Variants in CCDC170 observed in about 807,000 individuals in gnomAD.
CCDC170 encodes the protein coiled-coil domain-containing protein 170.
Under a neutral mutation model 72.6 loss-of-function variants are expected in CCDC170, and 69 were observed. That is an observed-to-expected ratio of 0.95 (90% CI 0.78 to 1.16). The LOEUF (loss-of-function observed/expected upper bound fraction) is 1.16, where lower values mean the gene tolerates loss of function less well. Ranked by LOEUF, CCDC170 falls within the 50% of genes most tolerant of loss-of-function variation. The pLI is 0.00. For synonymous variants in CCDC170, 300 were observed against 303.9 expected (o/e 0.99, Z 0.13); for missense variants, 852 against 832.5 (o/e 1.02, Z -0.29).
chr6:151,589,169 C>T (rs764347966), intron 7 of CCDC170, among the ~76,000 whole-genome samples: 18 of 151,834 alleles, frequency 1.2e-4, no homozygotes, highest in Admixed American at 6.6e-4. Flanking sequence ...GCAGGAGAAT[C>T]GCTTGAATTT....
intron 5 of CCDC170, among the ~76,000 whole-genome samples, chr6:151,569,783 C>T (rs1428899678): frequency 6.6e-6 from 1 of 152,168 alleles, no homozygotes; most frequent in Non-Finnish European, 1.5e-5. Context: ...GCCCCTGAAT[C>T]CTGCAGCACT....
intron 1 of CCDC170, among the ~76,000 whole-genome samples, chr6:151,512,366 G>T (rs1782162812): frequency 6.6e-6 from 1 of 151,712 alleles, no homozygotes; most frequent in Non-Finnish European, 1.5e-5. Flanking sequence ...CACCATGTTG[G>T]CCAGCCTGGT....
chr6:151,509,233 T>C (rs1038042445), intron 1 of CCDC170, among the ~76,000 whole-genome samples: 20 of 151,628 alleles, frequency 1.3e-4, no homozygotes, highest in African/African-American at 4.8e-4. Flanking sequence ...TATCTATCTA[T>C]CTATCTATCT....
chr6:151,569,706 C>A (rs1583030871), intron 5 of CCDC170, among the ~76,000 whole-genome samples: 1 of 152,184 alleles, frequency 6.6e-6, no homozygotes, highest in Admixed American at 6.5e-5. Flanking sequence ...ATGGCTTTCT[C>A]CTGATAGGTG....
At chr6:151,561,534 GGA>G (rs1158273193) in intron 5 of CCDC170, among the ~76,000 whole-genome samples, 2 of 152,004 alleles carry the variant, frequency 1.3e-5, no homozygotes, top group Admixed American at 1.3e-4. Context: ...GCTAAAAATA[GGA>G]CCTCAATCTC....
intron 5 of CCDC170, among the ~76,000 whole-genome samples, chr6:151,565,285 G>T (rs4254995): frequency 0.082 from 12,462 of 152,234 alleles, 1,419 homozygotes; most frequent in African/African-American, 0.26. Context: ...AGGACTCAGG[G>T]TGGTGTTTGG....
At chr6:151,589,389 G>C (rs1739048183) in intron 7 of CCDC170, among the ~76,000 whole-genome samples, 1 of 152,150 alleles carries the variant, frequency 6.6e-6, no homozygotes, top group African/African-American at 2.4e-5. Flanking sequence ...CATGGTCCGT[G>C]AACACCAAAA....
intron 5 of CCDC170, among the ~76,000 whole-genome samples, chr6:151,552,687 C>CA (rs909933471): frequency 5.3e-4 from 80 of 151,092 alleles, no homozygotes; most frequent in African/African-American, 1.8e-3. Context: ...TTTAGTCTCT[C>CA]AAGTCTTCCT....
chr6:151,498,601 ACTTT>A (rs1280976218), intron 1 of CCDC170, among the ~76,000 whole-genome samples: 2 of 152,018 alleles, frequency 1.3e-5, no homozygotes, highest in Non-Finnish European at 2.9e-5. Flanking sequence ...CCACCATTCT[ACTTT>A]CTTTCTTTAT....
At chr6:151,544,439 C>G in intron 3 of CCDC170, 133 bp from the exon 4 acceptor site, 5 of 881,954 alleles carry the variant, frequency 5.7e-6, no homozygotes, top group Non-Finnish European at 8.3e-6. Context: ...CAATAATTTG[C>G]TCTGTGTCTG....
At chr6:151,533,060 T>C (rs928431135) in intron 1 of CCDC170, among the ~76,000 whole-genome samples, 22 of 150,280 alleles carry the variant, frequency 1.5e-4, no homozygotes, top group African/African-American at 5.4e-4. Context: ...CTCTTTTTTT[T>C]TTTTTTTTTT....
chr6:151,611,232 G>A (rs967106910), intron 9 of CCDC170, among the ~76,000 whole-genome samples: 1 of 150,450 alleles, frequency 6.6e-6, no homozygotes, highest in Non-Finnish European at 1.5e-5. Flanking sequence ...CCGAGATTGT[G>A]CCACTTCACT....
intron 9 of CCDC170, among the ~76,000 whole-genome samples, chr6:151,609,270 T>C (rs908932867): frequency 6.6e-6 from 1 of 152,182 alleles, no homozygotes; most frequent in African/African-American, 2.4e-5. Context: ...ACACAGCATC[T>C]ATTCGGGCCA....
intron 5 of CCDC170, among the ~76,000 whole-genome samples, chr6:151,561,809 C>T (rs1025406220): frequency 6.6e-6 from 1 of 151,996 alleles, no homozygotes; most frequent in Non-Finnish European, 1.5e-5. Flanking sequence ...ATCTGTTTTC[C>T]AAATTGTATA....
chr6:151,557,807 A>T (rs115442278), intron 5 of CCDC170, among the ~76,000 whole-genome samples: 1,905 of 152,252 alleles, frequency 0.013, 29 homozygotes, highest in African/African-American at 0.044. Flanking sequence ...ATGATCAGTG[A>T]TGTTGAGCAT....
At chr6:151,611,507 C>A (rs1369825121) in intron 9 of CCDC170, among the ~76,000 whole-genome samples, 3 of 152,026 alleles carry the variant, frequency 2.0e-5, no homozygotes, top group African/African-American at 7.2e-5. Context: ...CTCTCTGGGG[C>A]CTCTTCTATA....
intron 8 of CCDC170, among the ~76,000 whole-genome samples, chr6:151,595,703 G>T (rs1776611027): frequency 6.6e-6 from 1 of 152,096 alleles, no homozygotes; most frequent in Non-Finnish European, 1.5e-5. Context: ...ACAAGTCCCA[G>T]CTACTTGGGC....
chr6:151,558,238 T>G (rs1324002311), intron 5 of CCDC170, among the ~76,000 whole-genome samples: 2 of 149,182 alleles, frequency 1.3e-5, no homozygotes, highest in Admixed American at 6.7e-5. Flanking sequence ...TAGTGTTTTT[T>G]TTTTTTTTTT....
At chr6:151,506,429 C>T (rs1029194565) in intron 1 of CCDC170, among the ~76,000 whole-genome samples, 2 of 152,296 alleles carry the variant, frequency 1.3e-5, no homozygotes, top group Non-Finnish European at 2.9e-5. Context: ...TGCTTCTATT[C>T]GTGAAGGCAA....
Sources: allele counts gnomAD v4.1 joint callset (sites outside exome capture counted in the v4.1 genomes callset), GRCh38; gene constraint gnomAD v4.1.1; transcripts MANE v1.5; gene names NCBI Gene and HGNC (gene_info 2026-07-23, HGNC 2026-07-21).